Variants in MARCHF1 observed in about 807,000 individuals in gnomAD.
MARCHF1 encodes the protein membrane associated ring-CH-type finger 1.
MARCHF1 carries 40 observed loss-of-function variants against 54.2 expected under a neutral mutation model. The observed-to-expected ratio is 0.74, with a 90% CI of 0.57 to 0.96. The LOEUF is 0.96. Among genes scored for constraint, MARCHF1 ranks in the 40% least tolerant of loss-of-function variants. The pLI, the probability that MARCHF1 is intolerant of heterozygous loss-of-function variation, is 0.00. For missense variants in MARCHF1, 586 were observed against 656.5 expected (o/e 0.89, Z 1.17); for synonymous variants, 236 against 236.3 (o/e 1.00, Z 0.01).
intron 2 of MARCHF1, among the ~76,000 whole-genome samples, chr4:164,005,534 A>G (rs1288207281): frequency 6.6e-6 from 1 of 152,004 alleles, no homozygotes; most frequent in Non-Finnish European, 1.5e-5. Flanking sequence ...TCTTCCCCCA[A>G]CTTATGGTTT....
At chr4:163,868,877 A>AT (rs1050678257) in intron 3 of MARCHF1, among the ~76,000 whole-genome samples, 6 of 151,504 alleles carry the variant, frequency 4.0e-5, no homozygotes, top group South Asian at 4.2e-4. Context: ...AACTTCAGGA[A>AT]TTTTTTTTTC....
intron 5 of MARCHF1, among the ~76,000 whole-genome samples, chr4:163,651,891 T>G (rs1742981615): frequency 6.6e-6 from 1 of 151,682 alleles, no homozygotes; most frequent in South Asian, 2.1e-4. Flanking sequence ...CTACTCCATT[T>G]CCCTAAAGAC....
Position 163,842,196 on chromosome 4 carries a change from T to C in MARCHF1, c.111+11825A>G, listed in dbSNP as rs572608523. 5.9e-5 allele frequency among the ~76,000 whole-genome samples: 9 copies of C among 152,198 alleles called. No homozygotes were observed. In the East Asian group the frequency reaches 1.7e-3, roughly 29 times the overall value. ...TAATTATTTGTACCCATGAGGATAA[T>C]CAGCCAGCCATATCATGTATATGTG... On this transcript the variant is annotated intron_variant, in intron 4 of 9. Transcript: ENST00000514618.
At chr4:164,337,175 G>T (rs1729763123) in intron 1 of MARCHF1, among the ~76,000 whole-genome samples, 1 of 152,140 alleles carries the variant, frequency 6.6e-6, no homozygotes, top group South Asian at 2.1e-4. Context: ...ATGGTAAAAT[G>T]GGAGTTTTCT....
intron 4 of MARCHF1, among the ~76,000 whole-genome samples, chr4:163,810,334 C>A (rs1476540802): frequency 6.6e-6 from 1 of 152,168 alleles, no homozygotes; most frequent in Non-Finnish European, 1.5e-5. Flanking sequence ...AATTATTAAT[C>A]ACAGATAAAT....
At position 163,822,586 on chromosome 4, in the gene MARCHF1, T is replaced by G. The variant is rs143430908; in HGVS notation, c.111+31435A>C. On this transcript the variant is annotated intron_variant, in intron 4 of 9. Coordinates refer to ENST00000514618, the MANE Select transcript of MARCHF1 (RefSeq NM_001394959.1). ...TCTGTACTGCACGTTAAACAAAAAA[T>G]TTATTTTAAAAATTAATTTTGTTTT... Among the ~76,000 whole-genome samples the G allele has an allele frequency of 3.2e-3, 485 of 152,028 alleles. 3 individuals carry two copies. The highest frequency in any genetic ancestry group is 0.011 in the African/African-American group (463 of 41,536).
chr4:164,115,866 G>A (rs751634899), intron 1 of MARCHF1, among the ~76,000 whole-genome samples: 6 of 151,910 alleles, frequency 3.9e-5, no homozygotes, highest in Non-Finnish European at 8.8e-5. Flanking sequence ...AGATGTCATA[G>A]TTCCCACAGA....
chr4:164,276,567 AATGAT>A (rs1391025352), intron 1 of MARCHF1, among the ~76,000 whole-genome samples: 1 of 151,166 alleles, frequency 6.6e-6, no homozygotes, highest in African/African-American at 2.4e-5. Flanking sequence ...TATAAATTAC[AATGAT>A]ATAACATAAA....
chr4:163,633,906 C>A (rs1379233866), intron 5 of MARCHF1, among the ~76,000 whole-genome samples: 3 of 152,144 alleles, frequency 2.0e-5, no homozygotes, highest in African/African-American at 4.8e-5. Flanking sequence ...TCATGGCAGA[C>A]ACCCTACAAG....
chr4:164,025,766 T>C (rs561390682), intron 2 of MARCHF1, among the ~76,000 whole-genome samples: 28 of 149,614 alleles, frequency 1.9e-4, no homozygotes, highest in African/African-American at 6.8e-4. Context: ...CAAAAATCCA[T>C]GCAAAAGATC....
chr4:164,280,051 G>A (rs1444073812), intron 1 of MARCHF1, among the ~76,000 whole-genome samples: 3 of 151,698 alleles, frequency 2.0e-5, no homozygotes, highest in African/African-American at 7.2e-5. Context: ...TTTTCAATAT[G>A]TGGCAAGAGC....
chr4:163,613,190 C>T (rs1379295313), intron 6 of MARCHF1, 124 bp downstream of exon 6: 1 of 1,254,000 alleles, frequency 8.0e-7, no homozygotes, highest in Non-Finnish European at 1.1e-6. Context: ...AAAAAAATAG[C>T]CAGTATAAAT....
chr4:164,163,500 A>G (rs116364929), intron 1 of MARCHF1, among the ~76,000 whole-genome samples: 2,507 of 152,120 alleles, frequency 0.016, 60 homozygotes, highest in African/African-American at 0.056. Flanking sequence ...AGAGGAAAAT[A>G]CCAGAATAGA....
At position 163,792,014 on chromosome 4, in the gene MARCHF1, T is replaced by C. The variant is rs369249414; in HGVS notation, c.111+62007A>G. Reference sequence around the variant, plus strand: ...CTGGAATTAAGAGGGGAAAAAGTAATGGATCTGGTGCTGAAGCCATAATGT... The same window carrying C: ...CTGGAATTAAGAGGGGAAAAAGTAACGGATCTGGTGCTGAAGCCATAATGT... On this transcript the variant is annotated intron_variant, in intron 4 of 9. Transcript: ENST00000514618. 7.9e-5 allele frequency among the ~76,000 whole-genome samples: 12 copies of C among 152,288 alleles called. No homozygotes were observed. In the East Asian group the frequency reaches 1.9e-3, roughly 24 times the overall value.
Position 163,528,746 on chromosome 4 carries a change from C to T in MARCHF1, c.*2G>A, listed in dbSNP as rs1738234392. The T allele has an allele frequency of 1.2e-6, 2 of 1,605,398 alleles. No individual in the cohort carries two copies. The highest frequency in any genetic ancestry group is 1.7e-6 in the Non-Finnish European group (2 of 1,174,926). On this transcript the variant is annotated 3_prime_UTR_variant, in exon 10 of 10. Transcript: ENST00000514618. ...CGGTGAAGAAACTCCCAACAGGTTC[C>T]ATCAGACTGATACAACTTCAGGGGG...
chr4:163,861,836 T>C (rs1749942993), intron 3 of MARCHF1, among the ~76,000 whole-genome samples: 1 of 149,034 alleles, frequency 6.7e-6, no homozygotes, highest in Admixed American at 6.9e-5. Context: ...ACTATAAAGT[T>C]ACAGTAATCA....
At chr4:164,067,945 G>A (rs1270637012) in intron 2 of MARCHF1, among the ~76,000 whole-genome samples, 2 of 152,060 alleles carry the variant, frequency 1.3e-5, no homozygotes, top group African/African-American at 2.4e-5. Context: ...GAAGACATAT[G>A]AGCAGCCTAA....
intron 5 of MARCHF1, among the ~76,000 whole-genome samples, chr4:163,678,953 C>G (rs1744006284): frequency 6.6e-6 from 1 of 152,072 alleles, no homozygotes; most frequent in Non-Finnish European, 1.5e-5. Flanking sequence ...CCATACCTGC[C>G]CTGATTTCCC....
chr4:164,348,607 C>T (rs571948564), intron 1 of MARCHF1, among the ~76,000 whole-genome samples: 198 of 152,084 alleles, frequency 1.3e-3, no homozygotes, highest in Non-Finnish European at 2.1e-3. Flanking sequence ...ACACAGGGCT[C>T]CAAAGTCCAT....
Sources: gnomAD v4.1 joint callset for allele counts (sites outside exome capture counted in the v4.1 genomes callset) on GRCh38, gnomAD v4.1.1 for gene constraint, MANE v1.5 for transcripts, NCBI Gene and HGNC (gene_info 2026-07-23, HGNC 2026-07-21) for gene names.